The following ODAD2 variants were observed in gnomAD, a reference collection of about 807,000 sequenced individuals.
ODAD2 encodes outer dynein arm docking complex subunit 2, also known as outer dynein arm-docking complex subunit 2.
A neutral mutation model predicts 106.8 loss-of-function variants in ODAD2; 89 were observed. That is an observed-to-expected ratio of 0.83 (90% CI 0.70 to 0.99). The LOEUF is 0.99. Ranked by LOEUF, ODAD2 falls within the 50% of genes least tolerant of loss-of-function variation. ODAD2 has a pLI of 0.00. For synonymous variants in ODAD2, 404 were observed against 436.2 expected, an observed-to-expected ratio of 0.93 and a Z score of 0.92; for missense variants, 1,168 against 1,238.5, an observed-to-expected ratio of 0.94 and a Z score of 0.85.
chr10:27,944,120 C>T (rs1335155506), intron 12 of ODAD2, 102 bp downstream of exon 12: 5 of 1,015,760 alleles, frequency 4.9e-6, no homozygotes, highest in African/African-American at 1.6e-5. Context: ...GGAACACGCT[C>T]TCATGGCTAT....
chr10:27,833,935 G>T (rs2133035345), intron 19 of ODAD2, among the ~76,000 whole-genome samples: 1 of 152,332 alleles, frequency 6.6e-6, no homozygotes, highest in South Asian at 2.1e-4. Flanking sequence ...GGGATTGGGA[G>T]AACATTCCAA....
intron 2 of ODAD2, 127 bp from the exon 3 acceptor site, chr10:27,987,670 G>C: frequency 1.7e-6 from 1 of 577,636 alleles, no homozygotes; most frequent in African/African-American, 1.9e-5. Context: ...AAATACATCT[G>C]GTTAGTAGCT....
Position 27,922,086 on chromosome 10 carries a change from G to C in ODAD2, c.2495+12924C>G, listed in dbSNP as rs1844831116. Among the ~76,000 whole-genome samples, 3 of 146,152 alleles carry C rather than the reference G, an allele frequency of 2.1e-5. No homozygotes were observed. In the South Asian group the frequency reaches 6.4e-4, roughly 31 times the overall value. ...GTAGGCTGAGGTGGAAGGATATCTTGAGCCCAGAAGGTCAAGGCTGCAGTG... is the reference window on the plus strand; with the variant it reads ...GTAGGCTGAGGTGGAAGGATATCTTCAGCCCAGAAGGTCAAGGCTGCAGTG... On this transcript the variant is annotated intron_variant, in intron 16 of 19. Transcript: ENST00000305242.
intron 19 of ODAD2, among the ~76,000 whole-genome samples, chr10:27,858,550 T>C (rs1236982780): frequency 6.6e-6 from 1 of 152,218 alleles, no homozygotes. Flanking sequence ...TTTTCCTTCT[T>C]TGCTTTTTTC....
chr10:27,831,197 G>T (rs1837451466), intron 19 of ODAD2, among the ~76,000 whole-genome samples: 3 of 152,112 alleles, frequency 2.0e-5, no homozygotes, highest in Non-Finnish European at 2.9e-5. Flanking sequence ...CAACACTGAT[G>T]GACTCTGATC....
At chr10:27,868,578 C>T (rs903856683) in intron 17 of ODAD2, among the ~76,000 whole-genome samples, 3 of 152,070 alleles carry the variant, frequency 2.0e-5, no homozygotes, top group African/African-American at 7.2e-5. Context: ...AACTAACACA[C>T]GAACAGAAAA....
At chr10:27,998,193 G>T (rs1426730059) in intron 1 of ODAD2, among the ~76,000 whole-genome samples, 1 of 152,234 alleles carries the variant, frequency 6.6e-6, no homozygotes, top group African/African-American at 2.4e-5. Flanking sequence ...CATCCACGGG[G>T]AGTCCGCGCA....
At chr10:27,938,020 T>C (rs1452085450) in intron 14 of ODAD2, among the ~76,000 whole-genome samples, 2 of 152,174 alleles carry the variant, frequency 1.3e-5, no homozygotes, top group African/African-American at 2.4e-5. Flanking sequence ...CTCAGATCAC[T>C]GCAACCTCTA....
chr10:27,844,821 T>A (rs1287803025), intron 19 of ODAD2, among the ~76,000 whole-genome samples: 1 of 152,182 alleles, frequency 6.6e-6, no homozygotes, highest in Non-Finnish European at 1.5e-5. Context: ...CACTTGTAGC[T>A]CTAAGAAGGG....
intron 10 of ODAD2, among the ~76,000 whole-genome samples, chr10:27,956,125 C>T (rs1209407833): frequency 1.3e-5 from 2 of 152,142 alleles, no homozygotes; most frequent in Admixed American, 1.3e-4. Flanking sequence ...TTAGGCTACC[C>T]CTCACCAACC....
chr10:27,989,458 A>C (rs1850085469), intron 2 of ODAD2, among the ~76,000 whole-genome samples: 1 of 152,244 alleles, frequency 6.6e-6, no homozygotes, highest in African/African-American at 2.4e-5. Context: ...CTTAGGACTT[A>C]AGAGATTTTT....
chr10:27,922,237 C>T (rs1329613664), intron 16 of ODAD2, among the ~76,000 whole-genome samples: 2 of 151,206 alleles, frequency 1.3e-5, no homozygotes, highest in African/African-American at 4.9e-5. Context: ...TTATATCTAG[C>T]AAGGCTGTCC....
intron 16 of ODAD2, among the ~76,000 whole-genome samples, chr10:27,932,644 A>G (rs1290528016): frequency 6.6e-6 from 1 of 152,158 alleles, no homozygotes; most frequent in Non-Finnish European, 1.5e-5. Context: ...CCTGTCTGAT[A>G]TGTTCATGCA....
At chr10:27,915,577 A>G (rs1844305058) in intron 16 of ODAD2, among the ~76,000 whole-genome samples, 1 of 152,164 alleles carries the variant, frequency 6.6e-6, no homozygotes, top group African/African-American at 2.4e-5. Flanking sequence ...AACAGTATAT[A>G]TAGCACAGTA....
intron 2 of ODAD2, among the ~76,000 whole-genome samples, chr10:27,992,512 G>C (rs1246175667): frequency 6.6e-6 from 1 of 152,118 alleles, no homozygotes; most frequent in Admixed American, 6.5e-5. Context: ...AACATGGTGA[G>C]ATCCTGTCTC....
chr10:27,948,803 T>TTC (rs33962916), intron 10 of ODAD2, among the ~76,000 whole-genome samples: 1 of 136,964 alleles, frequency 7.3e-6, no homozygotes, highest in East Asian at 2.0e-4. Context: ...TTTTTTTTTT[T>TTC]GCAATTGACA....
intron 16 of ODAD2, among the ~76,000 whole-genome samples, chr10:27,929,568 T>C (rs913661641): frequency 6.6e-6 from 1 of 152,184 alleles, no homozygotes; most frequent in Non-Finnish European, 1.5e-5. Context: ...GTACTTTGAG[T>C]AATTTCTTGG....
intron 10 of ODAD2, among the ~76,000 whole-genome samples, chr10:27,947,720 G>T (rs560099198): frequency 6.6e-6 from 1 of 152,104 alleles, no homozygotes; most frequent in African/African-American, 2.4e-5. Flanking sequence ...TTATTTAGGC[G>T]GAGGCTTCAG....
At chr10:27,949,523 G>T (rs759638864) in intron 10 of ODAD2, among the ~76,000 whole-genome samples, 2 of 152,082 alleles carry the variant, frequency 1.3e-5, no homozygotes, top group South Asian at 4.1e-4. Context: ...TCCACCAGTC[G>T]GAGCAAACAG....
Sources: allele counts gnomAD v4.1 joint callset (sites outside exome capture counted in the v4.1 genomes callset), GRCh38; gene constraint gnomAD v4.1.1; transcripts MANE v1.5; gene names NCBI Gene and HGNC (gene_info 2026-07-23, HGNC 2026-07-21).